The following TSGA10 variants were observed in gnomAD, a reference collection of about 807,000 sequenced individuals.
TSGA10 encodes the protein testis-specific gene 10 protein.
A neutral mutation model predicts 96.6 loss-of-function variants in TSGA10; 43 were observed. The ratio of observed to expected loss-of-function variants is 0.44; its 90% confidence interval spans 0.35 to 0.57. The LOEUF is 0.57. Ranked by LOEUF, TSGA10 falls within the 20% of genes least tolerant of loss-of-function variation. The probability of loss-of-function intolerance (pLI) is 0.01; values close to 1 mark genes in which losing one functional copy is unlikely to be tolerated. For synonymous variants in TSGA10, 229 were observed against 269.9 expected, an observed-to-expected ratio of 0.85 and a Z score of 1.48; for missense variants, 703 against 834.4, an observed-to-expected ratio of 0.84 and a Z score of 1.94.
At chr2:99,046,663 C>T (rs1378201954) in intron 16 of TSGA10, among the ~76,000 whole-genome samples, 1 of 152,056 alleles carries the variant, frequency 6.6e-6, no homozygotes, top group African/African-American at 2.4e-5. Context: ...ATTAAAAGAA[C>T]TAGAGAAGCA....
rs546979220 is a variant in TSGA10, at chr2:99,014,403, T to A, written c.2072+3797A>T. 7.9e-5 allele frequency among the ~76,000 whole-genome samples: 12 copies of A among 152,252 alleles called. No individual in the cohort carries two copies. In the South Asian group the frequency reaches 2.3e-3, roughly 29 times the overall value. Reference sequence around the variant, plus strand: ...TCTTGAGTGATCTTTGGGTCAACAATGAAATCAAGATGGAAATTAAAAACT... The same window carrying A: ...TCTTGAGTGATCTTTGGGTCAACAAAGAAATCAAGATGGAAATTAAAAACT... On this transcript the variant is annotated intron_variant, in intron 20 of 20. Coordinates refer to ENST00000393483, the MANE Select transcript of TSGA10 (RefSeq NM_025244.4).
chr2:99,005,970 G>A (rs1427504651), intron 20 of TSGA10, among the ~76,000 whole-genome samples: 1 of 152,110 alleles, frequency 6.6e-6, no homozygotes, highest in East Asian at 1.9e-4. Context: ...ACAGAACAGA[G>A]CCCTCAGAAA....
intron 1 of TSGA10, chr2:99,141,170 G>A (rs767599002): frequency 3.2e-6 from 4 of 1,255,100 alleles, no homozygotes; most frequent in Non-Finnish European, 4.1e-6. Flanking sequence ...GGCCTCAGCG[G>A]GGGATACAAG....
intron 2 of TSGA10, 191 bp downstream of exon 2, chr2:99,126,857 G>A: frequency 2.8e-6 from 1 of 363,260 alleles, no homozygotes. Context: ...CACAACACTT[G>A]ACACGTAGTT....
intron 17 of TSGA10, among the ~76,000 whole-genome samples, chr2:99,021,005 C>T (rs1316686594): frequency 6.7e-6 from 1 of 150,322 alleles, no homozygotes; most frequent in African/African-American, 2.4e-5. Context: ...CTTATATTCT[C>T]TTGCATAAAC....
rs556058863 is a variant in TSGA10, at chr2:98,999,533, T to G, written c.2073-1312A>C. 2.0e-5 allele frequency among the ~76,000 whole-genome samples: 3 copies of G among 152,274 alleles called. No homozygotes were observed. The South Asian group carries it at 6.2e-4, about 32-fold the overall frequency. On this transcript the variant is annotated intron_variant, in intron 20 of 20. Transcript: ENST00000393483. Reference sequence around the variant, plus strand: ...AAGATTAAGTGAGAAAAAAGGTGATTAAGGGCATTGTTAATCATATTAATA... The same window carrying G: ...AAGATTAAGTGAGAAAAAAGGTGATGAAGGGCATTGTTAATCATATTAATA...
chr2:99,009,613 T>C (rs763371031), intron 20 of TSGA10, among the ~76,000 whole-genome samples: 6 of 150,922 alleles, frequency 4.0e-5, no homozygotes, highest in Non-Finnish European at 5.9e-5. Flanking sequence ...GCCTGTTTAT[T>C]GTGGTGACAT....
chr2:99,005,726 T>C (rs1278194287), intron 20 of TSGA10, among the ~76,000 whole-genome samples: 1 of 152,120 alleles, frequency 6.6e-6, no homozygotes, highest in Admixed American at 6.6e-5. Context: ...CCCAAGGTAA[T>C]TTATAGATTT....
At chr2:99,002,645 T>A (rs1460462086) in intron 20 of TSGA10, among the ~76,000 whole-genome samples, 2 of 152,100 alleles carry the variant, frequency 1.3e-5, no homozygotes, top group Non-Finnish European at 2.9e-5. Flanking sequence ...ATATTAACCT[T>A]AAACGTAAAT....
At chr2:99,132,521 G>A (rs1486739317) in intron 1 of TSGA10, among the ~76,000 whole-genome samples, 1 of 151,128 alleles carries the variant, frequency 6.6e-6, no homozygotes, top group Non-Finnish European at 1.5e-5. Flanking sequence ...TATTAGTCTG[G>A]CTAGCGGTCT....
At chr2:99,116,778 T>C (rs1473087458) in intron 4 of TSGA10, among the ~76,000 whole-genome samples, 1 of 152,180 alleles carries the variant, frequency 6.6e-6, no homozygotes, top group African/African-American at 2.4e-5. Context: ...ATGGTACATG[T>C]TTATGGGGTA....
chr2:99,117,863 A>G (rs890787770), intron 3 of TSGA10, 104 bp from the exon 4 acceptor site: 1 of 434,136 alleles, frequency 2.3e-6, no homozygotes, highest in African/African-American at 2.1e-5. Flanking sequence ...TTCCCTGGCA[A>G]AGAAACTTAA....
At chr2:99,112,810 C>G (rs2091927452) in intron 4 of TSGA10, among the ~76,000 whole-genome samples, 1 of 148,480 alleles carries the variant, frequency 6.7e-6, no homozygotes, top group South Asian at 2.1e-4. Flanking sequence ...ATGGGTATTT[C>G]AGAGCCCGCT....
At chr2:99,020,778 C>A (rs911290446) in intron 17 of TSGA10, among the ~76,000 whole-genome samples, 2 of 151,862 alleles carry the variant, frequency 1.3e-5, no homozygotes, top group Admixed American at 6.6e-5. Context: ...TATACTCCTG[C>A]AAGACTGACA....
At chr2:99,050,522 A>G (rs1229073367) in intron 16 of TSGA10, among the ~76,000 whole-genome samples, 1 of 152,178 alleles carries the variant, frequency 6.6e-6, no homozygotes, top group East Asian at 1.9e-4. Context: ...TATAACAGTA[A>G]TAGAAAAAAA....
At chr2:99,099,200 T>G (rs2090428921) in intron 10 of TSGA10, among the ~76,000 whole-genome samples, 1 of 152,182 alleles carries the variant, frequency 6.6e-6, no homozygotes, top group African/African-American at 2.4e-5. Context: ...TAATCCCAGC[T>G]GCTCGGGAGG....
At chr2:99,065,639 C>A (rs2085186029) in intron 15 of TSGA10, among the ~76,000 whole-genome samples, 1 of 152,144 alleles carries the variant, frequency 6.6e-6, no homozygotes, top group Non-Finnish European at 1.5e-5. Context: ...ATAGCCCCAG[C>A]CTTAATTATC....
intron 16 of TSGA10, among the ~76,000 whole-genome samples, chr2:99,039,907 A>T (rs1476695515): frequency 6.6e-6 from 1 of 152,206 alleles, no homozygotes; most frequent in Admixed American, 6.5e-5. Flanking sequence ...CAGCATAACA[A>T]AAAGATAATA....
intron 10 of TSGA10, among the ~76,000 whole-genome samples, chr2:99,093,358 C>T (rs2089597061): frequency 6.6e-6 from 1 of 152,146 alleles, no homozygotes; most frequent in Non-Finnish European, 1.5e-5. Flanking sequence ...AAAGGATGCC[C>T]ACCCTCTCCA....
Sources: gnomAD v4.1 joint callset for allele counts (sites outside exome capture counted in the v4.1 genomes callset) on GRCh38, gnomAD v4.1.1 for gene constraint, MANE v1.5 for transcripts, NCBI Gene and HGNC (gene_info 2026-07-23, HGNC 2026-07-21) for gene names.